Variants in TNXB observed in about 807,000 individuals in gnomAD.
The protein encoded by TNXB is tenascin-X.
In TNXB, 183 loss-of-function variants were observed where a neutral mutation model predicts 340.5. The observed-to-expected ratio is 0.54, with a 90% CI of 0.48 to 0.61. The LOEUF (loss-of-function observed/expected upper bound fraction) is 0.61. Among genes scored for constraint, TNXB ranks in the 20% least tolerant of loss-of-function variants. TNXB has a pLI of 0.00. For synonymous variants in TNXB, 2,121 were observed against 2,314.5 expected (o/e 0.92, Z 2.40); for missense variants, 4,613 against 5,446.4 (o/e 0.85, Z 4.82).
Position 32,090,949 on chromosome 6 carries a change from G to A in TNXB, c.2359-1570C>T, listed in dbSNP as rs1780045987. Among the ~76,000 whole-genome samples the A allele has an allele frequency of 6.6e-6, 1 of 152,082 alleles. No homozygotes were observed. Among genetic ancestry groups the A allele is most frequent in the Non-Finnish European group, 1.5e-5 (1 of 68,018 alleles). On this transcript the variant is annotated intron_variant, in intron 4 of 43. Transcript: ENST00000644971. This position sits in a 1 kb window ranked among gnomAD's most constrained non-coding sequence, Gnocchi z 4.3. ...CCTGATGATGTCTGGTTCTTTCAGTGAGGCAAGCCTATCCCCAGAGTTCTC... is the reference window on the plus strand; with the variant it reads ...CCTGATGATGTCTGGTTCTTTCAGTAAGGCAAGCCTATCCCCAGAGTTCTC...
intron 13 of TNXB, among the ~76,000 whole-genome samples, chr6:32,071,578 C>CT (rs10694435): frequency 0.29 from 39,966 of 139,836 alleles, 6,212 homozygotes; most frequent in South Asian, 0.47. Flanking sequence ...GCTTTTCTTT[C>CT]TTTTTTTTTT....
chr6:32,095,845 G>A lies in TNXB; in HGVS notation c.2008C>T (p.His670Tyr), dbSNP rs765513741. Reference sequence around the variant, plus strand: ...CAGTCCTCACCGCCATAGCCCACGTGGCACAGGCACACTCCTTGCACACAC... The same window carrying A: ...CAGTCCTCACCGCCATAGCCCACGTAGCACAGGCACACTCCTTGCACACAC... ...GRCVQGVCLC[H>Y]VGYGGEDCGQ... Residue 670 changes from histidine to tyrosine, a missense_variant, in exon 3 of 44, where the codon CAC becomes TAC. By Grantham distance (83) the His-to-Tyr change is moderately conservative. This residue lies in a region of TNXB where 4,327 missense variants were observed against 4,859.4 expected (regional missense o/e 0.89). Coordinates refer to ENST00000644971, the MANE Select transcript of TNXB (RefSeq NM_001365276.2). 1 of 1,612,568 alleles carries A rather than the reference G, an allele frequency of 6.2e-7. No homozygotes were observed. Among genetic ancestry groups the A allele is most frequent in the South Asian group, 1.1e-5 (1 of 90,942 alleles).
In TNXB at chr6:32,086,060, C is replaced by T. The variant is rs527266818; in HGVS notation, c.2838G>A (p.Ser946=). Reference sequence around the variant, plus strand: ...GAGGAGCCTGGGCCCCTTGCGTCGTCGAGGGGCCTGAGGGAGGAGGCTCAT... The same window carrying T: ...GAGGAGCCTGGGCCCCTTGCGTCGTTGAGGGGCCTGAGGGAGGAGGCTCAT... ...TTDEPPPSGP[S]TTQGAQAPLL... Residue 946 remains serine (S), a synonymous_variant, in exon 7 of 44, where the codon TCG becomes TCA. Coordinates refer to ENST00000644971, the MANE Select transcript of TNXB (RefSeq NM_001365276.2). The T allele has an allele frequency of 2.5e-5, 40 of 1,591,856 alleles. No homozygotes were observed. Among genetic ancestry groups the T allele is most frequent in the East Asian group, 2.0e-4 (9 of 44,252 alleles).
intron 29 of TNXB, 139 bp from the exon 30 acceptor site, chr6:32,048,151 A>G: frequency 8.3e-7 from 1 of 1,209,568 alleles, no homozygotes; most frequent in Non-Finnish European, 1.1e-6. Context: ...AAGAGGAGCC[A>G]GACAAGAAAG....
chr6:32,046,172 C>T lies in TNXB; in HGVS notation c.10606+3G>A. On this transcript the variant is annotated splice_donor_region_variant and intron_variant, in intron 31 of 43. Coordinates refer to ENST00000644971, the MANE Select transcript of TNXB (RefSeq NM_001365276.2). This position sits in a 1 kb window ranked among gnomAD's most constrained non-coding sequence, Gnocchi z 6.9. Reference sequence around the variant, plus strand: ...TTGCTATAGCCAGGCACAGCAGCCTCACCTGTCATTCCCAGGGCAGAGACC... The same window carrying T: ...TTGCTATAGCCAGGCACAGCAGCCTTACCTGTCATTCCCAGGGCAGAGACC... The T allele has an allele frequency of 6.3e-7, 1 of 1,579,736 alleles. No individual in the cohort carries two copies. Among genetic ancestry groups the T allele is most frequent in the Non-Finnish European group, 8.6e-7 (1 of 1,157,216 alleles).
At position 32,046,360 on chromosome 6, in the gene TNXB, C is replaced by T. The variant is rs1562782112; in HGVS notation, c.10421G>A (p.Gly3474Asp). Reference sequence around the variant, plus strand: ...CTGGACCACGAAGGAGTCAAAGGGGCCCTGGGCTACCGTCCAGGACAGGCG... The same window carrying T: ...CTGGACCACGAAGGAGTCAAAGGGGTCCTGGGCTACCGTCCAGGACAGGCG... ...SLRLSWTVAQ[G>D]PFDSFVVQYR... Residue 3474 changes from glycine (G) to aspartate (D), a missense_variant, in exon 31 of 44, where the codon GGC becomes GAC. By Grantham distance (94) the Gly-to-Asp change is moderately conservative (BLOSUM62 -1). Transcript: ENST00000644971. This position sits in a 1 kb window ranked among gnomAD's most constrained non-coding sequence, Gnocchi z 6.9. 2 of 1,604,520 alleles carry T rather than the reference C, an allele frequency of 1.2e-6. No homozygotes were observed. The highest frequency in any genetic ancestry group is 8.5e-7 in the Non-Finnish European group (1 of 1,176,764).
intron 23 of TNXB, 85 bp downstream of exon 23, chr6:32,056,501 G>A: frequency 2.6e-6 from 4 of 1,550,358 alleles, no homozygotes; most frequent in Non-Finnish European, 3.5e-6. Flanking sequence ...CCGGACCCCT[G>A]GCCCATTCCC....
Position 32,097,258 on chromosome 6 carries a change from G to A in TNXB, c.595C>T (p.Arg199Cys), listed in dbSNP as rs1193899321. The A allele has an allele frequency of 1.2e-6, 2 of 1,611,404 alleles. No homozygotes were observed. Among genetic ancestry groups the A allele is most frequent in the Non-Finnish European group, 1.7e-6 (2 of 1,178,896 alleles). Residue 199 changes from arginine to cysteine, a missense_variant, in exon 3 of 44, where the codon CGT becomes TGT. Arg to Cys is a radical substitution (Grantham distance 180, BLOSUM62 -3). Around this residue, in one of 7 missense-constraint regions of TNXB, gnomAD observed 4,327 missense variants for 4,859.4 expected, o/e 0.89. Transcript: ENST00000644971. This position sits in a 1 kb window ranked among gnomAD's most constrained non-coding sequence, Gnocchi z 5.9. The part of the protein sequence containing the change: ...DDCNDQGRCV[R>C]GRCVCFPGYT... ...CCGGGAAAGCACACGCAACGACCAC[G>A]GACACAGCGACCCTGATCATTGCAG...
At position 32,058,272 on chromosome 6, in the gene TNXB, C is replaced by T. The variant is rs1476480355; in HGVS notation, c.7611G>A (p.Ser2537=). Residue 2537 remains serine (S), a synonymous_variant, in exon 22 of 44, where the codon TCG becomes TCA. Transcript: ENST00000644971. The surrounding 1 kb of genome is among the most constrained non-coding windows in gnomAD (Gnocchi z 5.1). ...GGGGGACGGTCCAGGAAAGGCTCAG[C>T]GAGTCAGGGGAGGATCCTGTCACTG... ...ELTVTGSSPD[S]LSLSWTVPQG... 6.2e-6 allele frequency: 10 copies of T among 1,612,356 alleles called. No homozygotes were observed. The highest frequency in any genetic ancestry group is 3.3e-5 in the South Asian group (3 of 91,076).
chr6:32,067,473 C>T lies in TNXB; in HGVS notation c.6544+188G>A, dbSNP rs1210911931. On this transcript the variant is annotated intron_variant, in intron 18 of 43. Transcript: ENST00000644971. This position sits in a 1 kb window ranked among gnomAD's most constrained non-coding sequence, Gnocchi z 4.2. ...GAGGCCTCAGTCCCTGGGGGCCTTT[C>T]CCATATGGCTCCGACACTTCTCCTG... Among the ~76,000 whole-genome samples the T allele has an allele frequency of 1.3e-5, 2 of 152,194 alleles. No homozygotes were observed. Among genetic ancestry groups the T allele is most frequent in the South Asian group, 4.1e-4 (2 of 4,824 alleles).
chr6:32,091,392 G>A (rs1780068320), intron 4 of TNXB, among the ~76,000 whole-genome samples: 1 of 151,758 alleles, frequency 6.6e-6, no homozygotes, highest in Non-Finnish European at 1.5e-5. Flanking sequence ...TTACAGGCGT[G>A]AGCCACCACA....
At chr6:32,101,927 T>C (rs1009755035) in intron 1 of TNXB, among the ~76,000 whole-genome samples, 2 of 152,122 alleles carry the variant, frequency 1.3e-5, no homozygotes, top group Non-Finnish European at 2.9e-5. Flanking sequence ...TCTTGCTGTG[T>C]TGCCCAGGCT....
In TNXB at chr6:32,082,297, G is replaced by A. The variant is rs1779514755; in HGVS notation, c.3475C>T (p.Pro1159Ser). The A allele has an allele frequency of 3.1e-6, 5 of 1,600,446 alleles. No homozygotes were observed. The highest frequency in any genetic ancestry group is 1.7e-5 in the Admixed American group (1 of 59,874). ...ACCCACAGGTTTCCCAGGTGGGGTG[G>A]AGTCCCTGGACTTGGGTCACTCTGA... ...LPQSDPSPGT[P>S]PHLGNLWVTD... The change falls in exon 9 of 44, where the codon CCA becomes TCA. Residue 1159 changes from proline to serine, a missense_variant. Around this residue, in one of 7 missense-constraint regions of TNXB, gnomAD observed 4,327 missense variants for 4,859.4 expected, o/e 0.89. Transcript: ENST00000644971. The surrounding 1 kb of genome is among the most constrained non-coding windows in gnomAD (Gnocchi z 5.0).
In TNXB at chr6:32,089,466, A is replaced by G; in HGVS notation, c.2359-87T>C. Reference sequence around the variant, plus strand: ...CCTTATCTCTTCTTTCTCCAATTCTAAACAGTGTCAGCATGGTACTGTGTG... The same window carrying G: ...CCTTATCTCTTCTTTCTCCAATTCTGAACAGTGTCAGCATGGTACTGTGTG... On this transcript the variant is annotated intron_variant, in intron 4 of 43. Transcript: ENST00000644971. The surrounding 1 kb of genome is among the most constrained non-coding windows in gnomAD (Gnocchi z 6.2). The G allele has an allele frequency of 1.3e-6, 2 of 1,488,198 alleles. No homozygotes were observed. Among genetic ancestry groups the G allele is most frequent in the Non-Finnish European group, 9.0e-7 (1 of 1,111,558 alleles). The allele number at this position is 1,488,198 out of a possible 1,614,324, so 92.2% of individuals were successfully genotyped here. A position where few individuals can be genotyped will look rare whatever the true frequency, so the allele number is the denominator to read the frequency against.
Position 32,043,749 on chromosome 6 carries a change from C to A in TNXB, c.11530G>T (p.Val3844Phe). Residue 3844 changes from valine to phenylalanine, a missense_variant and splice_region_variant, in exon 35 of 44, where the codon GTT becomes TTT. Coordinates refer to ENST00000644971, the MANE Select transcript of TNXB (RefSeq NM_001365276.2). ...TGCCCCGGGTCCCAGTCCATCTCACCCGTGGTGAGGAAGCCTGTGAGAGGC... is the reference window on the plus strand; with the variant it reads ...TGCCCCGGGTCCCAGTCCATCTCACACGTGGTGAGGAAGCCTGTGAGAGGC... ...SEPLTGFLTT[V>F]PDGPTQLRAL... 1 of 1,613,492 alleles carries A rather than the reference C, an allele frequency of 6.2e-7. No homozygotes were observed. The highest frequency in any genetic ancestry group is 2.2e-5 in the East Asian group (1 of 44,878).
Position 32,070,491 on chromosome 6 carries a change from C to T in TNXB, c.4991-77G>A, listed in dbSNP as rs1057068627. ...GCCTCCCTCTGGGGCTGGAAAAACC[C>T]AGAACTGCCCAAATGCTCAGTGCTT... On this transcript the variant is annotated intron_variant, in intron 13 of 43. Transcript: ENST00000644971. This position sits in a 1 kb window ranked among gnomAD's most constrained non-coding sequence, Gnocchi z 6.0. 9 of 1,412,994 alleles carry T rather than the reference C, an allele frequency of 6.4e-6. No homozygotes were observed. The highest frequency in any genetic ancestry group is 8.5e-6 in the Non-Finnish European group (9 of 1,063,886). The allele number at this position is 1,412,994 out of a possible 1,614,324, so 87.5% of individuals were successfully genotyped here.
chr6:32,103,422 TC>T (rs367866989), intron 1 of TNXB, among the ~76,000 whole-genome samples: 5,065 of 117,008 alleles, frequency 0.043, 159 homozygotes, highest in East Asian at 0.097. Context: ...AGAGCGAGAC[TC>T]CATCTCAAAA....
At position 32,058,576 on chromosome 6, in the gene TNXB, C is replaced by CCTGTACTGCTGGCAGAG. The variant is rs1777827818; in HGVS notation, c.7493-203_7493-187dup. On this transcript the variant is annotated intron_variant, in intron 21 of 43. Transcript: ENST00000644971. The surrounding 1 kb of genome is among the most constrained non-coding windows in gnomAD (Gnocchi z 5.1). ...CGGTGAGGTATCCCCGAGCCCCCGG[C>CCTGTACTGCTGGCAGAG]CTGTACTGCTGGCAGAGCTGCACTG... Among the ~76,000 whole-genome samples the CCTGTACTGCTGGCAGAG allele has an allele frequency of 6.6e-6, 1 of 151,816 alleles. No homozygotes were observed. The highest frequency in any genetic ancestry group is 2.4e-5 in the African/African-American group (1 of 41,084).
chr6:32,092,545 C>G (rs1780121306), intron 4 of TNXB, among the ~76,000 whole-genome samples: 2 of 152,030 alleles, frequency 1.3e-5, no homozygotes, highest in Non-Finnish European at 2.9e-5. Flanking sequence ...CAAAGGGTAG[C>G]TGGGCATTGT....
Sources: gnomAD v4.1 joint callset for allele counts (sites outside exome capture counted in the v4.1 genomes callset) on GRCh38, gnomAD v4.1.1 for gene constraint, gnomAD v4.1.1 regional missense constraint, Gnocchi (gnomAD v3.1) non-coding constraint, MANE v1.5 for transcripts, NCBI Gene and HGNC (gene_info 2026-07-23, HGNC 2026-07-21) for gene names.